CABP7: variants seen among roughly 807,000 people sequenced by gnomAD.
CABP7 encodes the protein calcium-binding protein 7.
Under a neutral mutation model 23.1 loss-of-function variants are expected in CABP7, and 13 were observed. The ratio of observed to expected loss-of-function variants is 0.56; its 90% confidence interval spans 0.37 to 0.90. CABP7 has a LOEUF of 0.90. Among genes scored for constraint, CABP7 ranks in the 40% least tolerant of loss-of-function variants. The probability of loss-of-function intolerance (pLI) is 0.01; values close to 1 mark genes in which losing one functional copy is unlikely to be tolerated. For missense variants in CABP7, 248 were observed against 295.6 expected, an observed-to-expected ratio of 0.84 and a Z score of 1.18; for synonymous variants, 123 against 115.3, an observed-to-expected ratio of 1.07 and a Z score of -0.43.
chr22:29,728,220 CCTT>C (rs920307393), intron 2 of CABP7, among the ~76,000 whole-genome samples: 7 of 152,178 alleles, frequency 4.6e-5, no homozygotes. Flanking sequence ...CCACCCGGGC[CCTT>C]CTTCTCCTCT....
At position 29,728,221 on chromosome 22, in the gene CABP7, C is replaced by G. The variant is rs2147208528; in HGVS notation, c.254-409C>G. Among the ~76,000 whole-genome samples, 3 of 152,290 alleles carry G rather than the reference C, an allele frequency of 2.0e-5. No homozygotes were observed. In the South Asian group the frequency reaches 6.2e-4, roughly 32 times the overall value. ...GCCCCCTCTTTATCCCACCCGGGCCCTTCTTCTCCTCTTCTCCATCCAGAG... is the reference window on the plus strand; with the variant it reads ...GCCCCCTCTTTATCCCACCCGGGCCGTTCTTCTCCTCTTCTCCATCCAGAG... On this transcript the variant is annotated intron_variant, in intron 2 of 4. Coordinates refer to ENST00000216144, the MANE Select transcript of CABP7 (RefSeq NM_182527.3).
At chr22:29,723,474 C>G (rs969638127) in intron 1 of CABP7, among the ~76,000 whole-genome samples, 3 of 152,214 alleles carry the variant, frequency 2.0e-5, no homozygotes, top group African/African-American at 7.2e-5. Flanking sequence ...GTCCCAGCAC[C>G]ATCAGCTGAC....
intron 1 of CABP7, among the ~76,000 whole-genome samples, chr22:29,722,150 C>T (rs898877359): frequency 6.6e-6 from 1 of 152,222 alleles, no homozygotes; most frequent in African/African-American, 2.4e-5. Flanking sequence ...CACTCCCTCC[C>T]CTTGCTCCCA....
At chr22:29,724,642 C>CA (rs2067782940) in intron 1 of CABP7, among the ~76,000 whole-genome samples, 1 of 152,142 alleles carries the variant, frequency 6.6e-6, no homozygotes, top group African/African-American at 2.4e-5. Context: ...TCGGCTGGGG[C>CA]AGGGCTCCCA....
rs1226443493 is a variant in CABP7, at chr22:29,729,359, T to C, written c.521-83T>C. The C allele has an allele frequency of 2.5e-6, 4 of 1,583,330 alleles. No individual in the cohort carries two copies. The African/African-American group carries it at 5.4e-5, about 21-fold the overall frequency. ...TGGGGCACCCCATGGGATGAGCCCATGTGCCGAAGGGCAGGCGGCTCCTGA... is the reference window on the plus strand; with the variant it reads ...TGGGGCACCCCATGGGATGAGCCCACGTGCCGAAGGGCAGGCGGCTCCTGA... On this transcript the variant is annotated intron_variant, in intron 4 of 4. Coordinates refer to ENST00000216144, the MANE Select transcript of CABP7 (RefSeq NM_182527.3).
At position 29,727,838 on chromosome 22, in the gene CABP7, G is replaced by A; in HGVS notation, c.253+33G>A. On this transcript the variant is annotated intron_variant, in intron 2 of 4. Coordinates refer to ENST00000216144, the MANE Select transcript of CABP7 (RefSeq NM_182527.3). The surrounding 1 kb of genome is among the most constrained non-coding windows in gnomAD (Gnocchi z 4.2). ...CCCCCCCGCCTCGGTTTCCCCACCT[G>A]GCATCTGGGCCCTGGGGGTGGGGCA... 1 of 1,591,290 alleles carries A rather than the reference G, an allele frequency of 6.3e-7. No homozygotes were observed. The highest frequency in any genetic ancestry group is 8.6e-7 in the Non-Finnish European group (1 of 1,166,840).
chr22:29,728,383 C>T (rs1223190862), intron 2 of CABP7, among the ~76,000 whole-genome samples: 2 of 152,168 alleles, frequency 1.3e-5, no homozygotes, highest in Non-Finnish European at 2.9e-5. Context: ...AGGGTCACGG[C>T]CCACCTGCTG....
At chr22:29,722,891 G>T (rs1373844476) in intron 1 of CABP7, among the ~76,000 whole-genome samples, 1 of 152,270 alleles carries the variant, frequency 6.6e-6, no homozygotes, top group East Asian at 1.9e-4. Flanking sequence ...GTCAGTCTGA[G>T]CGGAAAGGAG....
At chr22:29,728,939 C>T in intron 3 of CABP7, 116 bp from the exon 4 acceptor site, 1 of 1,345,652 alleles carries the variant, frequency 7.4e-7, no homozygotes, top group Non-Finnish European at 1.0e-6. Flanking sequence ...GGGAATGGAG[C>T]AAGTGTTTTC....
chr22:29,729,759 G>A lies in CABP7; in HGVS notation c.*190G>A, dbSNP rs1174559833. 2 of 718,466 alleles carry A rather than the reference G, an allele frequency of 2.8e-6. No individual in the cohort carries two copies. The highest frequency in any genetic ancestry group is 2.9e-5 in the Admixed American group (1 of 34,176). 44.5% of individuals were successfully genotyped at this position (718,466 alleles called of 1,614,324 possible). ...TGGAGCTGTGGCCTGGCTGTGGAGG[G>A]CCGGGTGGTGGCTCTGAGGATGGTC... On this transcript the variant is annotated 3_prime_UTR_variant, in exon 5 of 5. Coordinates refer to ENST00000216144, the MANE Select transcript of CABP7 (RefSeq NM_182527.3).
rs1055549849 is a variant in CABP7, at chr22:29,720,233, G to A, written c.-192G>A. ...CCGGCTGGGAGCCCGACGAGGGAGC[G>A]GGCGGCATGGCCCGGCGGCCCGGGG... On this transcript the variant is annotated 5_prime_UTR_variant, in exon 1 of 5. Transcript: ENST00000216144. The surrounding 1 kb of genome is among the most constrained non-coding windows in gnomAD (Gnocchi z 5.2). 4 of 147,612 alleles carry A rather than the reference G, an allele frequency of 2.7e-5. No individual in the cohort carries two copies. The highest frequency in any genetic ancestry group is 7.3e-5 in the African/African-American group (3 of 40,878). The allele number at this position is 147,612 out of a possible 1,614,324, so 9.1% of individuals were successfully genotyped here.
At chr22:29,721,252 G>T (rs57561197) in intron 1 of CABP7, among the ~76,000 whole-genome samples, 2,552 of 152,278 alleles carry the variant, frequency 0.017, 78 homozygotes, top group African/African-American at 0.059. Context: ...TCTCAGACTC[G>T]CAGGGGGATG....
intron 1 of CABP7, among the ~76,000 whole-genome samples, chr22:29,726,806 G>A (rs1241028587): frequency 6.6e-6 from 1 of 152,196 alleles, no homozygotes; most frequent in Non-Finnish European, 1.5e-5. Context: ...TTAAGGGACA[G>A]CAGCCCTTAA....
rs543623427 is a variant in CABP7, at chr22:29,727,004, AGTCACCGAG to A, written c.110-653_110-645del. ...AGCGCAGTGCATTGCTCACCACCTG[AGTCACCGAG>A]GTCATCAGGCCTCGGTCTTCTGCTC... On this transcript the variant is annotated intron_variant, in intron 1 of 4. Transcript: ENST00000216144. The surrounding 1 kb of genome is among the most constrained non-coding windows in gnomAD (Gnocchi z 4.2). 6.6e-6 allele frequency among the ~76,000 whole-genome samples: 1 copy of A among 152,192 alleles called. No individual in the cohort carries two copies. The highest frequency in any genetic ancestry group is 2.1e-4 in the South Asian group (1 of 4,810).
chr22:29,728,953 C>T (rs754335494), intron 3 of CABP7, 102 bp from the exon 4 acceptor site: 3 of 1,428,462 alleles, frequency 2.1e-6, no homozygotes, highest in Non-Finnish European at 2.9e-6. Flanking sequence ...TGTTTTCCAG[C>T]CCCCCAGAAT....
At position 29,720,577 on chromosome 22, in the gene CABP7, G is replaced by T. The variant is rs531400391; in HGVS notation, c.109+44G>T. ...CCCCGCCCCGGCGGCCCTCCTACCT[G>T]TGCGCCCAGGTGAAGCGCGGGCCAG... On this transcript the variant is annotated intron_variant, in intron 1 of 4. Transcript: ENST00000216144. The surrounding 1 kb of genome is among the most constrained non-coding windows in gnomAD (Gnocchi z 5.2). 42 of 1,333,460 alleles carry T rather than the reference G, an allele frequency of 3.1e-5. No homozygotes were observed. In the South Asian group the frequency reaches 5.0e-4, roughly 16 times the overall value. The allele number at this position is 1,333,460 out of a possible 1,614,324, so 82.6% of individuals were successfully genotyped here.
At position 29,731,460 on chromosome 22, in the gene CABP7, T is replaced by C. The variant is rs968434934; in HGVS notation, c.*1891T>C. Reference sequence around the variant, plus strand: ...CACCCTGGCTGTGGGGAGGGTCAGCTGCCTGCATGACTTTTCTGGAAGGCA... The same window carrying C: ...CACCCTGGCTGTGGGGAGGGTCAGCCGCCTGCATGACTTTTCTGGAAGGCA... On this transcript the variant is annotated 3_prime_UTR_variant, in exon 5 of 5. Transcript: ENST00000216144. 7.0e-7 allele frequency: 1 copy of C among 1,436,608 alleles called. No homozygotes were observed. The allele number at this position is 1,436,608 out of a possible 1,614,324, so 89.0% of individuals were successfully genotyped here.
At chr22:29,728,455 GC>G (rs1405764713) in intron 2 of CABP7, among the ~76,000 whole-genome samples, 174 bp from the exon 3 acceptor site, 1 of 152,204 alleles carries the variant, frequency 6.6e-6, no homozygotes, top group African/African-American at 2.4e-5. Context: ...TCAGCCCAGA[GC>G]CTGGCACTTG....
chr22:29,731,144 G>T lies in CABP7; in HGVS notation c.*1575G>T. 2.1e-6 allele frequency: 3 copies of T among 1,395,516 alleles called. No homozygotes were observed. The highest frequency in any genetic ancestry group is 2.8e-5 in the East Asian group (1 of 36,128). 86.4% of individuals were successfully genotyped at this position (1,395,516 alleles called of 1,614,324 possible). A position where few individuals can be genotyped will look rare whatever the true frequency, so the allele number is the denominator to read the frequency against. On this transcript the variant is annotated 3_prime_UTR_variant, in exon 5 of 5. Coordinates refer to ENST00000216144, the MANE Select transcript of CABP7 (RefSeq NM_182527.3). Reference sequence around the variant, plus strand: ...CAGATGGTCTCGGAGCCTCCATGGGGCGTAGCAGGAACCGGGCTTGGCTTC... The same window carrying T: ...CAGATGGTCTCGGAGCCTCCATGGGTCGTAGCAGGAACCGGGCTTGGCTTC...
Sources: allele counts gnomAD v4.1 joint callset (sites outside exome capture counted in the v4.1 genomes callset), GRCh38; gene constraint gnomAD v4.1.1; non-coding constraint Gnocchi (gnomAD v3.1); transcripts MANE v1.5; gene names NCBI Gene and HGNC (gene_info 2026-07-23, HGNC 2026-07-21).